The following GOLM2 variants were observed in gnomAD, a reference collection of about 807,000 sequenced individuals.
GOLM2 encodes golgi membrane protein 2.
Under a neutral mutation model 55.9 loss-of-function variants are expected in GOLM2, and 26 were observed. The observed-to-expected ratio is 0.47, with a 90% CI of 0.34 to 0.65. The LOEUF (loss-of-function observed/expected upper bound fraction) is 0.65, where lower values mean the gene tolerates loss of function less well. GOLM2 is among the 30% of genes least tolerant of loss of function. GOLM2 has a pLI of 0.01. For synonymous variants in GOLM2, 165 were observed against 194.6 expected, an observed-to-expected ratio of 0.85 and a Z score of 1.27; for missense variants, 486 against 531.8, an observed-to-expected ratio of 0.91 and a Z score of 0.85.
intron 3 of GOLM2, 122 bp downstream of exon 3, chr15:44,328,909 GC>G (rs1221718939): frequency 1.7e-6 from 1 of 586,688 alleles, no homozygotes; most frequent in Non-Finnish European, 2.8e-6. Context: ...ATTTTGTTAA[GC>G]CTTTTAAATT....
intron 6 of GOLM2, among the ~76,000 whole-genome samples, chr15:44,339,687 T>C (rs894671388): frequency 6.6e-6 from 1 of 152,098 alleles, no homozygotes; most frequent in Non-Finnish European, 1.5e-5. Context: ...CATGCTGGAG[T>C]GCAGTGGTGC....
chr15:44,389,225 A>G (rs2079471120), intron 8 of GOLM2, among the ~76,000 whole-genome samples: 1 of 152,044 alleles, frequency 6.6e-6, no homozygotes, highest in Admixed American at 6.6e-5. Context: ...TATCTAAATC[A>G]TTATTCTCAA....
intron 3 of GOLM2, among the ~76,000 whole-genome samples, chr15:44,329,370 T>G (rs1384342799): frequency 6.6e-6 from 1 of 152,232 alleles, no homozygotes; most frequent in Admixed American, 6.5e-5. Context: ...TTGCCATATT[T>G]TAAAGCATTT....
chr15:44,392,531 GA>G (rs1335484284), intron 8 of GOLM2, among the ~76,000 whole-genome samples: 4 of 151,766 alleles, frequency 2.6e-5, no homozygotes, highest in Admixed American at 2.0e-4. Flanking sequence ...GCTGAGGCTG[GA>G]GAATCGCTTG....
intron 6 of GOLM2, chr15:44,348,918 AAT>A: frequency 6.6e-6 from 1 of 152,504 alleles, no homozygotes; most frequent in Non-Finnish European, 1.5e-5. Flanking sequence ...GAAAAAAAAA[AAT>A]TAAGACCCAA....
chr15:44,388,169 G>A (rs185133362), intron 8 of GOLM2, among the ~76,000 whole-genome samples: 51 of 150,272 alleles, frequency 3.4e-4, no homozygotes, highest in African/African-American at 1.2e-3. Context: ...CCAGCTACTC[G>A]GGAGGCTGAG....
chr15:44,359,962 A>C (rs2079225660), intron 6 of GOLM2, among the ~76,000 whole-genome samples: 1 of 150,698 alleles, frequency 6.6e-6, no homozygotes, highest in African/African-American at 2.4e-5. Flanking sequence ...AAGCTTCATA[A>C]GTGAAGGAGA....
chr15:44,300,234 G>T (rs558284792), intron 1 of GOLM2, among the ~76,000 whole-genome samples: 1 of 149,812 alleles, frequency 6.7e-6, no homozygotes, highest in South Asian at 2.1e-4. Flanking sequence ...GAGGGAGAGG[G>T]AAGAAAGAAA....
chr15:44,381,361 G>C (rs1048378063), intron 8 of GOLM2, among the ~76,000 whole-genome samples: 2 of 152,130 alleles, frequency 1.3e-5, no homozygotes, highest in African/African-American at 4.8e-5. Context: ...GAACATTCTG[G>C]GAGAAACATA....
At chr15:44,297,867 CTT>C (rs370282797) in intron 1 of GOLM2, among the ~76,000 whole-genome samples, 106 of 109,248 alleles carry the variant, frequency 9.7e-4, no homozygotes, top group African/African-American at 2.8e-3. Flanking sequence ...CGCACCTGGC[CTT>C]TTTTTTTTTT....
At chr15:44,332,368 C>T (rs958800362) in intron 4 of GOLM2, among the ~76,000 whole-genome samples, 2 of 152,080 alleles carry the variant, frequency 1.3e-5, no homozygotes, top group African/African-American at 2.4e-5. Flanking sequence ...ATCACCCTGG[C>T]CAACATGGGG....
At chr15:44,301,923 A>AG (rs2078800633) in intron 1 of GOLM2, among the ~76,000 whole-genome samples, 1 of 151,690 alleles carries the variant, frequency 6.6e-6, no homozygotes. Flanking sequence ...AAAAAAAAAA[A>AG]AAAACTTAGG....
intron 6 of GOLM2, among the ~76,000 whole-genome samples, chr15:44,349,821 T>C (rs2079149800): frequency 6.6e-6 from 1 of 152,152 alleles, no homozygotes; most frequent in Non-Finnish European, 1.5e-5. Flanking sequence ...AATAAAATTA[T>C]AAATCAATAA....
intron 3 of GOLM2, among the ~76,000 whole-genome samples, chr15:44,330,653 C>T (rs978369811): frequency 3.9e-5 from 6 of 151,972 alleles, no homozygotes; most frequent in Non-Finnish European, 7.4e-5. Context: ...ATTGCTTGAG[C>T]CCAGGAGGTT....
At chr15:44,409,380 A>G (rs1394903575) in intron 9 of GOLM2, 2 of 148,336 alleles carry the variant, frequency 1.3e-5, no homozygotes, top group Non-Finnish European at 3.0e-5. Flanking sequence ...TGAGGTCAGG[A>G]GTTCGAGACC....
intron 1 of GOLM2, among the ~76,000 whole-genome samples, chr15:44,318,051 G>T (rs1210434573): frequency 6.6e-6 from 1 of 152,118 alleles, no homozygotes; most frequent in Non-Finnish European, 1.5e-5. Flanking sequence ...TTTAGGCTTT[G>T]CAGGCCATAT....
chr15:44,300,097 T>G (rs2078786797), intron 1 of GOLM2, among the ~76,000 whole-genome samples: 1 of 136,120 alleles, frequency 7.3e-6, no homozygotes, highest in South Asian at 2.2e-4. Context: ...AGACCCTGTC[T>G]CAAAAAAAGA....
chr15:44,299,117 G>C (rs983161955), intron 1 of GOLM2, among the ~76,000 whole-genome samples: 1 of 152,224 alleles, frequency 6.6e-6, no homozygotes, highest in Non-Finnish European at 1.5e-5. Flanking sequence ...TGGGAACAGG[G>C]CTTTGCCAAC....
At chr15:44,363,379 C>T (rs982744770) in intron 6 of GOLM2, among the ~76,000 whole-genome samples, 1,751 of 152,126 alleles carry the variant, frequency 0.012, 42 homozygotes, top group African/African-American at 0.04. Flanking sequence ...AAAAAGTGGG[C>T]GAAGGACATG....
Sources: allele counts gnomAD v4.1 joint callset (sites outside exome capture counted in the v4.1 genomes callset), GRCh38; gene constraint gnomAD v4.1.1; transcripts MANE v1.5; gene names NCBI Gene and HGNC (gene_info 2026-07-23, HGNC 2026-07-21).